The following CDH10 variants were observed in gnomAD, a reference collection of about 807,000 sequenced individuals.
The protein encoded by CDH10 is cadherin 10, also known as cadherin-10.
A neutral mutation model predicts 73.1 loss-of-function variants in CDH10; 30 were observed. That is an observed-to-expected ratio of 0.41 (90% CI 0.31 to 0.56). The LOEUF is 0.56. Ranked by LOEUF, CDH10 falls within the 20% of genes least tolerant of loss-of-function variation. The pLI, the probability that CDH10 is intolerant of heterozygous loss-of-function variation, is 0.27. For missense variants in CDH10, 815 were observed against 973.7 expected (o/e 0.84, Z 2.17); for synonymous variants, 345 against 348.2 (o/e 0.99, Z 0.10).
intron 2 of CDH10, among the ~76,000 whole-genome samples, chr5:24,575,352 C>CAAAAAAAAAAAAAA (rs1388761427): frequency 4.2e-5 from 2 of 47,160 alleles, no homozygotes; most frequent in Non-Finnish European, 3.9e-5. Flanking sequence ...ACAACAAAAA[C>CAAAAAAAAAAAAAA]AACAAAAAAA....
intron 10 of CDH10, among the ~76,000 whole-genome samples, chr5:24,492,442 T>G (rs1742094975): frequency 6.6e-6 from 1 of 152,184 alleles, no homozygotes; most frequent in East Asian, 1.9e-4. Flanking sequence ...TTATGTATAT[T>G]TGGCTTTGGT....
intron 1 of CDH10, among the ~76,000 whole-genome samples, chr5:24,616,280 T>C (rs1747125624): frequency 6.6e-6 from 1 of 152,298 alleles, no homozygotes; most frequent in Admixed American, 6.5e-5. Flanking sequence ...AGTGAATAAC[T>C]TCTGCATTTC....
intron 5 of CDH10, 29 bp downstream of exon 5, chr5:24,535,083 C>A (rs376551676): frequency 6.0e-5 from 91 of 1,511,826 alleles, no homozygotes; most frequent in Non-Finnish European, 7.7e-5. Flanking sequence ...ATCTTTTGCC[C>A]GGCAGAATGA....
chr5:24,535,959 AATATGTAGATAT>A (rs1348649782), intron 3 of CDH10, 137 bp from the exon 4 acceptor site: 6 of 508,182 alleles, frequency 1.2e-5, no homozygotes, highest in Non-Finnish European at 1.7e-5. Context: ...AATTTGGATG[AATATGTAGATAT>A]ATAGTGTTAT....
intron 2 of CDH10, among the ~76,000 whole-genome samples, chr5:24,556,962 GT>G (rs1342074742): frequency 1.4e-5 from 2 of 139,092 alleles, no homozygotes; most frequent in Non-Finnish European, 3.2e-5. Context: ...TTAATCTGAA[GT>G]TTTTTTCATA....
intron 1 of CDH10, among the ~76,000 whole-genome samples, chr5:24,597,167 T>A (rs951194223): frequency 6.6e-6 from 1 of 152,248 alleles, no homozygotes; most frequent in Admixed American, 6.6e-5. Context: ...TCAGCCATTC[T>A]GCAATCCCAT....
chr5:24,610,033 G>A (rs1746892648), intron 1 of CDH10: 1 of 152,256 alleles, frequency 6.6e-6, no homozygotes, highest in South Asian at 2.1e-4. Context: ...CCTCGCATAT[G>A]GCAAGGAGGC....
chr5:24,606,256 A>T (rs1746756437), intron 1 of CDH10, among the ~76,000 whole-genome samples: 1 of 152,178 alleles, frequency 6.6e-6, no homozygotes, highest in African/African-American at 2.4e-5. Context: ...GATGCTCAGC[A>T]TCACTAATCA....
chr5:24,504,529 T>TG lies in CDH10; in HGVS notation c.1393+582_1393+583insC, dbSNP rs1561127746. 2.7e-3 allele frequency among the ~76,000 whole-genome samples: 343 copies of TG among 126,392 alleles called. 8 individuals carry two copies. The highest frequency in any genetic ancestry group is 9.9e-3 in the African/African-American group (330 of 33,440). 82.9% of individuals were successfully genotyped at this position (126,392 alleles called of 152,430 possible). On this transcript the variant is annotated intron_variant, in intron 8 of 11. Coordinates refer to ENST00000264463, the MANE Select transcript of CDH10 (RefSeq NM_006727.5). ...ATCTTTTTTTTTTTTTTTTTTTTTT[T>TG]TTTTTTTTTTTTTTAAGATGGAATC...
At chr5:24,611,054 G>C (rs1388804173) in intron 1 of CDH10, among the ~76,000 whole-genome samples, 2 of 152,050 alleles carry the variant, frequency 1.3e-5, no homozygotes, top group Non-Finnish European at 2.9e-5. Flanking sequence ...ATTATTTGTT[G>C]CTCCAGGAAA....
chr5:24,582,860 A>G (rs1745851037), intron 2 of CDH10, among the ~76,000 whole-genome samples: 1 of 152,156 alleles, frequency 6.6e-6, no homozygotes, highest in Admixed American at 6.6e-5. Flanking sequence ...TGATACAGTG[A>G]TTTGCTACAG....
At chr5:24,561,939 A>G (rs1561164464) in intron 2 of CDH10, among the ~76,000 whole-genome samples, 1 of 152,128 alleles carries the variant, frequency 6.6e-6, no homozygotes, top group Non-Finnish European at 1.5e-5. Flanking sequence ...AAAAACAAAA[A>G]CAAACAAAAA....
chr5:24,492,866 A>C lies in CDH10; in HGVS notation c.1575T>G (p.Phe525Leu), dbSNP rs2051895802. The C allele has an allele frequency of 6.3e-7, 1 of 1,594,750 alleles. No individual in the cohort carries two copies. The highest frequency in any genetic ancestry group is 8.6e-7 in the Non-Finnish European group (1 of 1,162,692). The change falls in exon 10 of 12, where the codon TTT becomes TTG. Residue 525 changes from phenylalanine (F) to leucine (L), a missense_variant. Phe to Leu is a conservative substitution (Grantham distance 22). This residue lies in a region of CDH10 where 516 missense variants were observed against 636.6 expected (regional missense o/e 0.81). Coordinates refer to ENST00000264463, the MANE Select transcript of CDH10 (RefSeq NM_006727.5). ...KDDPLGGQKF[F>L]FSLAAVNPNF... ...TTGGATTGACAGCAGCTAAACTGAA[A>C]AAAAATTTCTGTCCACCTAAAGGGT... is the stretch of plus-strand genomic sequence containing the variant.
chr5:24,502,169 G>T lies in CDH10; in HGVS notation c.1393+2943C>A, dbSNP rs150822991. On this transcript the variant is annotated intron_variant, in intron 8 of 11. Transcript: ENST00000264463. ...GATCACCTGACCTCGTGATCCGCCC[G>T]CCTTGGCCTCCCAAAGTGCTGGGAT... Among the ~76,000 whole-genome samples the T allele has an allele frequency of 5.9e-3, 898 of 152,144 alleles. 12 individuals are homozygous for T. The highest frequency in any genetic ancestry group is 0.021 in the African/African-American group (871 of 41,520).
intron 2 of CDH10, among the ~76,000 whole-genome samples, chr5:24,565,610 A>C (rs940722801): frequency 6.6e-6 from 1 of 152,166 alleles, no homozygotes; most frequent in African/African-American, 2.4e-5. Context: ...TTAAAGCCCT[A>C]ATTCCCAGAA....
chr5:24,631,475 G>T (rs964248185), intron 1 of CDH10, among the ~76,000 whole-genome samples: 1 of 151,944 alleles, frequency 6.6e-6, no homozygotes, highest in African/African-American at 2.4e-5. Context: ...AGAGGGAAGA[G>T]ATACAGGCAT....
intron 2 of CDH10, chr5:24,578,595 T>A (rs1397888821): frequency 5.4e-6 from 1 of 184,978 alleles, no homozygotes; most frequent in Non-Finnish European, 1.2e-5. Context: ...AAATCAGTAT[T>A]TAATAAGTGC....
At chr5:24,636,828 G>A (rs980009813) in intron 1 of CDH10, among the ~76,000 whole-genome samples, 7 of 151,854 alleles carry the variant, frequency 4.6e-5, no homozygotes, top group African/African-American at 1.7e-4. Flanking sequence ...CCCTGTGTCT[G>A]CAAGATGATA....
At chr5:24,536,436 T>C (rs1743955682) in intron 3 of CDH10, among the ~76,000 whole-genome samples, 2 of 152,100 alleles carry the variant, frequency 1.3e-5, no homozygotes, top group East Asian at 1.9e-4. Context: ...TTTTGAGAAA[T>C]GTAGAGTCTG....
Sources: gnomAD v4.1 joint callset for allele counts (sites outside exome capture counted in the v4.1 genomes callset) on GRCh38, gnomAD v4.1.1 for gene constraint, gnomAD v4.1.1 regional missense constraint, MANE v1.5 for transcripts, NCBI Gene and HGNC (gene_info 2026-07-23, HGNC 2026-07-21) for gene names.